Variants in TTN observed in about 807,000 individuals in gnomAD.
TTN encodes the protein connectin.
Under a neutral mutation model 3,223.0 loss-of-function variants are expected in TTN, and 1,525 were observed. That is an observed-to-expected ratio of 0.47 (90% CI 0.45 to 0.49). The LOEUF (loss-of-function observed/expected upper bound fraction) is 0.49, where lower values mean the gene tolerates loss of function less well. TTN is among the 20% of genes least tolerant of loss of function. TTN has a pLI of 0.00. For missense variants in TTN, 40,786 were observed against 43,424.0 expected, an observed-to-expected ratio of 0.94 and a Z score of 5.40; for synonymous variants, 14,094 against 15,161.0, an observed-to-expected ratio of 0.93 and a Z score of 5.17.
In TTN at chr2:178,532,377, C is replaced by T. The variant is rs1166478293; in HGVS notation, c.104238G>A (p.Leu34746=). The change falls in exon 358 of 363, where the codon CTG becomes CTA. Residue 34746 remains leucine, a synonymous_variant. Coordinates refer to ENST00000589042, the MANE Select transcript of TTN (RefSeq NM_001267550.2). ...KAEASTSYAE[L]RERHAQAAYR... ...ACGCAGCCTGGGCATGCCGTTCCCT[C>T]AGTTCTGCATAACTTGTACTAGCTT... is the stretch of plus-strand genomic sequence containing the variant. 11 of 1,613,914 alleles carry T rather than the reference C, an allele frequency of 6.8e-6. No homozygotes were observed. Among genetic ancestry groups the T allele is most frequent in the Admixed American group, 1.7e-5 (1 of 60,006 alleles).
rs2057673756 is a variant in TTN at position 178,618,079 on chromosome 2, C to T, written c.47272G>A (p.Val15758Ile). ...GTTACATTCAAAGGAGGGCCTGGAA[C>T]ATCTGGATTTCACCACAGAAGAAGA... Reference protein sequence around the residue: ...NPVEARSKYDVPGPPLNVTIT... With the variant: ...NPVEARSKYDIPGPPLNVTIT... The change falls in exon 253 of 363, where the codon GTT becomes ATT. Residue 15758 changes from valine to isoleucine, a missense_variant and splice_region_variant. By Grantham distance (29) the Val-to-Ile change is conservative (BLOSUM62 3). Coordinates refer to ENST00000589042, the MANE Select transcript of TTN (RefSeq NM_001267550.2). The T allele has an allele frequency of 6.2e-7, 1 of 1,611,760 alleles. No individual in the cohort carries two copies. Among genetic ancestry groups the T allele is most frequent in the South Asian group, 1.1e-5 (1 of 90,916 alleles).
At position 178,720,990 on chromosome 2, in the gene TTN, C is replaced by T. The variant is rs367826445; in HGVS notation, c.23029G>A (p.Gly7677Arg). ...TTATGAGCCTCACAAATGTAGTCCC[C>T]GCTGTCTTCAGCACTAGCTTCATTG... ...TINEASAEDS[G>R]DYICEAHNGV... is the part of the protein sequence containing the mutation. Residue 7677 changes from glycine (G) to arginine (R), a missense_variant, in exon 79 of 363, where the codon GGG (glycine) becomes AGG (arginine). Coordinates refer to ENST00000589042, the MANE Select transcript of TTN (RefSeq NM_001267550.2). 160 of 1,611,902 alleles carry T rather than the reference C, an allele frequency of 9.9e-5. No individual in the cohort carries two copies. The East Asian group carries it at 1.7e-3, about 17-fold the overall frequency.
In TTN at chr2:178,741,118, G is replaced by A; in HGVS notation, c.12115C>T (p.Pro4039Ser). The A allele has an allele frequency of 1.2e-6, 2 of 1,613,746 alleles. No individual in the cohort carries two copies. The highest frequency in any genetic ancestry group is 1.7e-6 in the Non-Finnish European group (2 of 1,179,824). ...LLEDTDMTDTPCKAKSTPEAP... is the reference protein window; with the variant it reads ...LLEDTDMTDTSCKAKSTPEAP... The stretch of plus-strand genomic sequence containing the variant: ...TCTGGTGTGGACTTTGCTTTGCAGG[G>A]GGTATCAGTCATGTCTGTGTCTTCC... Residue 4039 changes from proline to serine, a missense_variant, in exon 48 of 363, where the codon CCC becomes TCC. Transcript: ENST00000589042.
chr2:178,530,564 C>T lies in TTN; in HGVS notation c.106051G>A (p.Glu35351Lys), dbSNP rs1688663690. ...TYELKINNLT[E>K]SDQGEYVCEI... ...CAAACATATTCTCCTTGATCAGATT[C>T]AGTGAGGTTATTGATTTTGAGCTCA... is the stretch of plus-strand genomic sequence containing the variant. Residue 35351 changes from glutamate to lysine, a missense_variant, in exon 358 of 363, where the codon GAA becomes AAA. Glu to Lys is a moderately conservative substitution (Grantham distance 56, BLOSUM62 1). Coordinates refer to ENST00000589042, the MANE Select transcript of TTN (RefSeq NM_001267550.2). 6.2e-7 allele frequency: 1 copy of T among 1,613,886 alleles called. No individual in the cohort carries two copies. The highest frequency in any genetic ancestry group is 1.1e-5 in the South Asian group (1 of 91,086).
At position 178,634,307 on chromosome 2, in the gene TTN, T is replaced by G; in HGVS notation, c.42415+59A>C. 1 of 1,562,642 alleles carries G rather than the reference T, an allele frequency of 6.4e-7. No individual in the cohort carries two copies. Among genetic ancestry groups the G allele is most frequent in the Non-Finnish European group, 8.6e-7 (1 of 1,164,116 alleles). ...GCTTTTAGAACTTGGCGTCCTATCT[T>G]TAAAGTCATATATTTGCATGCCTTT... On this transcript the variant is annotated intron_variant, in intron 230 of 362. Transcript: ENST00000589042. The surrounding 1 kb of genome is among the most constrained non-coding windows in gnomAD (Gnocchi z 4.6).
rs564454549 is a variant in TTN at position 178,615,402 on chromosome 2, A to G, written c.48543T>C (p.Asn16181=). 1.9e-5 allele frequency: 31 copies of G among 1,612,626 alleles called. No homozygotes were observed. Among genetic ancestry groups the G allele is most frequent in the East Asian group, 6.7e-5 (3 of 44,748 alleles). ...ATCCTTTGATGCGTGAACCACCATC[A>G]TTTTTAGGTGGATCCCATGTTAAGA... is the stretch of plus-strand genomic sequence containing the variant. ...SIFLTWDPPK[N]DGGSRIKGYI... Residue 16181 remains asparagine (N), a synonymous_variant, in exon 259 of 363, where the codon AAT becomes AAC. Coordinates refer to ENST00000589042, the MANE Select transcript of TTN (RefSeq NM_001267550.2).
chr2:178,668,316 A>G (rs1398157944), intron 159 of TTN, among the ~76,000 whole-genome samples: 1 of 152,212 alleles, frequency 6.6e-6, no homozygotes. Flanking sequence ...AACAATAACT[A>G]AAGTCAAGAA....
chr2:178,716,116 G>A (rs913378046), intron 88 of TTN, among the ~76,000 whole-genome samples: 4 of 152,096 alleles, frequency 2.6e-5, no homozygotes, highest in Non-Finnish European at 4.4e-5. Context: ...TGAGGTCCAC[G>A]GGGAATGAGA....
chr2:178,766,941 T>A (rs1044330496), intron 40 of TTN, among the ~76,000 whole-genome samples: 1 of 152,216 alleles, frequency 6.6e-6, no homozygotes, highest in African/African-American at 2.4e-5. Flanking sequence ...GGGGGCTTTT[T>A]ATTGTCTAAA....
rs1427769917 is a variant in TTN at position 178,542,572 on chromosome 2, GA to G, written c.97193-10del. On this transcript the variant is annotated splice_polypyrimidine_tract_variant and intron_variant, in intron 348 of 362. Coordinates refer to ENST00000589042, the MANE Select transcript of TTN (RefSeq NM_001267550.2). ...TGGTGGACCAGGCTTGTCTATGAAA[GA>G]GAAGAAATACAGGAAATTAATTTTT... The G allele has an allele frequency of 6.3e-7, 1 of 1,594,488 alleles. No homozygotes were observed. Among genetic ancestry groups the G allele is most frequent in the Non-Finnish European group, 8.6e-7 (1 of 1,167,440 alleles).
Position 178,740,939 on chromosome 2 carries a change from A to T in TTN, c.12294T>A (p.Ala4098=). The T allele has an allele frequency of 6.2e-7, 1 of 1,613,884 alleles. No individual in the cohort carries two copies. The highest frequency in any genetic ancestry group is 8.5e-7 in the Non-Finnish European group (1 of 1,179,828). ...GCTGACTGCTCAATTCATTGGCTTT[A>T]GCAATATGCTCATAAGATAGTTGCT... ...ENQQLSYEHI[A]KANELSSQLP... The change falls in exon 48 of 363, where the codon GCT becomes GCA. Residue 4098 remains alanine, a synonymous_variant. Coordinates refer to ENST00000589042, the MANE Select transcript of TTN (RefSeq NM_001267550.2).
rs1414338852 is a variant in TTN, at chr2:178,782,418, C to T, written c.3174G>A (p.Glu1058=). 2 of 1,614,082 alleles carry T rather than the reference C, an allele frequency of 1.2e-6. No individual in the cohort carries two copies. Among genetic ancestry groups the T allele is most frequent in the Non-Finnish European group, 1.7e-6 (2 of 1,179,982 alleles). The change falls in exon 20 of 363, where the codon GAG becomes GAA. Residue 1058 remains glutamate (E), a synonymous_variant. Transcript: ENST00000589042. ...KFTTEEKRFV[E]SRDVVMTDTS... The stretch of plus-strand genomic sequence containing the variant: ...TATCAGTCATAACCACATCTCTTGA[C>T]TCAACAAAGCTGGAAAGAGAATTCC...
Position 178,595,791 on chromosome 2 carries a change from C to A in TTN, c.57563G>T (p.Gly19188Val). The A allele has an allele frequency of 6.2e-7, 1 of 1,603,284 alleles. No individual in the cohort carries two copies. The highest frequency in any genetic ancestry group is 1.7e-5 in the Admixed American group (1 of 58,516). The change falls in exon 295 of 363, where the codon GGA becomes GTA. Residue 19188 changes from glycine (G) to valine (V), a missense_variant. Transcript: ENST00000589042. ...VDVLDVPGPV[G>V]TPFLAHNLTN... ...TAGGTTGTGAGCTAGGAATGGTGTT[C>A]CAACGGGACCTGGAACATCTGGAAA...
Position 178,773,720 on chromosome 2 carries a change from C to T in TTN, c.7336G>A (p.Asp2446Asn). ...ACATCTTTTAGAGGTGTTATCACGT[C>T]CACACCTGCAAAATCATACACACAC... ...TSGRVSVYSV[D>N]VITPLKDVNV... Residue 2446 changes from aspartate to asparagine, a missense_variant, in exon 32 of 363, where the codon GAC becomes AAC. Asp to Asn is a conservative substitution (Grantham distance 23). Coordinates refer to ENST00000589042, the MANE Select transcript of TTN (RefSeq NM_001267550.2). 1 of 1,614,042 alleles carries T rather than the reference C, an allele frequency of 6.2e-7. No individual in the cohort carries two copies. Among genetic ancestry groups the T allele is most frequent in the Non-Finnish European group, 8.5e-7 (1 of 1,179,986 alleles).
chr2:178,782,445 C>A lies in TTN; in HGVS notation c.3165-18G>T, dbSNP rs780686899. 2 of 1,613,866 alleles carry A rather than the reference C, an allele frequency of 1.2e-6. No homozygotes were observed. The highest frequency in any genetic ancestry group is 2.7e-5 in the African/African-American group (2 of 74,912). On this transcript the variant is annotated intron_variant, in intron 19 of 362. Transcript: ENST00000589042. ...CAACAAAGCTGGAAAGAGAATTCCC[C>A]TCATATTAGCTTCCGGGTTGCAATT...
Position 178,567,851 on chromosome 2 carries a change from G to T in TTN, c.78281C>A (p.Thr26094Asn). ...VARDPCDPPG[T>N]PEPIMVKRNE... is the part of the protein sequence containing the mutation. ...TCTTTTAACCATTATTGGTTCTGGG[G>T]TTCCTGGTGGGTCACAGGGATCTCT... The change falls in exon 326 of 363, where the codon ACC becomes AAC. Residue 26094 changes from threonine to asparagine, a missense_variant. Coordinates refer to ENST00000589042, the MANE Select transcript of TTN (RefSeq NM_001267550.2). 1.2e-6 allele frequency: 2 copies of T among 1,613,444 alleles called. No individual in the cohort carries two copies. The highest frequency in any genetic ancestry group is 1.7e-6 in the Non-Finnish European group (2 of 1,179,588).
chr2:178,748,024 T>C, intron 47 of TTN: 1 of 1,613,060 alleles, frequency 6.2e-7, no homozygotes, highest in Non-Finnish European at 8.5e-7. Context: ...TTGGAAATGC[T>C]GCCAACTCTG....
chr2:178,651,987 T>C lies in TTN; in HGVS notation c.39296-20A>G. 6.2e-7 allele frequency: 1 copy of C among 1,611,062 alleles called. No individual in the cohort carries two copies. Among genetic ancestry groups the C allele is most frequent in the Non-Finnish European group, 8.5e-7 (1 of 1,178,548 alleles). ...CGAACACTTTAAAGACATGAGCTCATTTTAATGCCAGAATTGACTAAAACT... is the reference window on the plus strand; with the variant it reads ...CGAACACTTTAAAGACATGAGCTCACTTTAATGCCAGAATTGACTAAAACT... On this transcript the variant is annotated intron_variant, in intron 204 of 362. Transcript: ENST00000589042.
In TTN at chr2:178,771,299, A is replaced by G; in HGVS notation, c.8028T>C (p.Leu2676=). ...CATCTAATTTGGTGGCAGCAATGATAAGTCTCCTTTTGTGGCCATCAGACT... is the reference window on the plus strand; with the variant it reads ...CATCTAATTTGGTGGCAGCAATGATGAGTCTCCTTTTGTGGCCATCAGACT... ...RSESDGHKRR[L]IIAATKLDDI... Residue 2676 remains leucine (L), a synonymous_variant, in exon 34 of 363, where the codon CTT becomes CTC. Transcript: ENST00000589042. 1 of 1,614,096 alleles carries G rather than the reference A, an allele frequency of 6.2e-7. No homozygotes were observed. Among genetic ancestry groups the G allele is most frequent in the Non-Finnish European group, 8.5e-7 (1 of 1,180,002 alleles).
Sources: gnomAD v4.1 joint callset for allele counts (sites outside exome capture counted in the v4.1 genomes callset) on GRCh38, gnomAD v4.1.1 for gene constraint, Gnocchi (gnomAD v3.1) non-coding constraint, MANE v1.5 for transcripts, NCBI Gene and HGNC (gene_info 2026-07-23, HGNC 2026-07-21) for gene names.